POLB: variants seen among roughly 807,000 people sequenced by gnomAD.
POLB encodes the protein 5'-dRP lyase.
In POLB, 37 loss-of-function variants were observed where a neutral mutation model predicts 52.7. The ratio of observed to expected loss-of-function variants is 0.70; its 90% CI spans 0.54 to 0.92. The LOEUF is 0.92. Among genes scored for constraint, POLB ranks in the 40% least tolerant of loss-of-function variants. The pLI is 0.00. For synonymous variants in POLB, 138 were observed against 131.3 expected, an observed-to-expected ratio of 1.05 and a Z score of -0.35; for missense variants, 313 against 400.8, an observed-to-expected ratio of 0.78 and a Z score of 1.87.
chr8:42,354,045 G>T (rs937912532), intron 6 of POLB, among the ~76,000 whole-genome samples: 1 of 152,144 alleles, frequency 6.6e-6, no homozygotes, highest in Non-Finnish European at 1.5e-5. Flanking sequence ...TTATATGAGA[G>T]AATTGATTGG....
intron 2 of POLB, chr8:42,342,324 C>G: frequency 1.3e-6 from 2 of 1,519,430 alleles, no homozygotes; most frequent in Admixed American, 1.7e-5. Flanking sequence ...TGTGGGCCAG[C>G]AGCAGGCCAG....
intron 12 of POLB, chr8:42,369,624 A>C: frequency 1.9e-6 from 1 of 525,442 alleles, no homozygotes; most frequent in Admixed American, 3.6e-5. Flanking sequence ...TGATAATGCA[A>C]TTTCATTTCT....
intron 4 of POLB, among the ~76,000 whole-genome samples, chr8:42,349,607 C>A (rs1822846130): frequency 6.6e-6 from 1 of 152,168 alleles, no homozygotes; most frequent in African/African-American, 2.4e-5. Context: ...CCAGTATGGT[C>A]TCGATCTCCT....
At chr8:42,357,600 T>C (rs1823398772) in intron 9 of POLB, 1 of 451,934 alleles carries the variant, frequency 2.2e-6, no homozygotes, top group Admixed American at 4.1e-5. Flanking sequence ...GATATTTTAA[T>C]GACTAGTTTT....
intron 4 of POLB, chr8:42,349,304 G>T (rs557964393): frequency 4.8e-6 from 2 of 413,466 alleles, no homozygotes; most frequent in Non-Finnish European, 8.6e-6. Context: ...ACCCGTAATA[G>T]AGTTGGCTCA....
At chr8:42,339,152 T>G in intron 2 of POLB, 83 bp downstream of exon 2, 1 of 1,042,974 alleles carries the variant, frequency 9.6e-7, no homozygotes, top group Non-Finnish European at 1.5e-6. Context: ...GAGGGCCCAG[T>G]GGATATTTGG....
At chr8:42,342,363 G>A in intron 2 of POLB, 1 of 1,497,408 alleles carries the variant, frequency 6.7e-7, no homozygotes, top group African/African-American at 1.4e-5. Flanking sequence ...AATTTGTCAG[G>A]CCAACCTTCA....
intron 9 of POLB, among the ~76,000 whole-genome samples, chr8:42,358,811 A>G (rs1206314001): frequency 2.6e-5 from 4 of 152,192 alleles, no homozygotes; most frequent in Non-Finnish European, 4.4e-5. Context: ...TAGATTCCAT[A>G]CTCGCAAAAT....
intron 2 of POLB, among the ~76,000 whole-genome samples, chr8:42,343,419 C>T (rs1227380123): frequency 2.9e-5 from 4 of 136,698 alleles, no homozygotes; most frequent in African/African-American, 1.1e-4. Context: ...CCCAGCTACT[C>T]AGGAGGCTAA....
At chr8:42,339,247 C>A in intron 2 of POLB, 178 bp downstream of exon 2, 2 of 631,936 alleles carry the variant, frequency 3.2e-6, no homozygotes, top group Non-Finnish European at 2.9e-6. Context: ...GTTATAGGAT[C>A]AGTTCAGATA....
At chr8:42,345,410 C>T (rs1449579766) in intron 3 of POLB, among the ~76,000 whole-genome samples, 1 of 152,072 alleles carries the variant, frequency 6.6e-6, no homozygotes, top group Non-Finnish European at 1.5e-5. Context: ...AGTGGGAGTG[C>T]GTGTTCCCCA....
chr8:42,342,991 C>T (rs1358423660), intron 2 of POLB, among the ~76,000 whole-genome samples: 2 of 151,904 alleles, frequency 1.3e-5, no homozygotes, highest in African/African-American at 4.8e-5. Context: ...GAGTTGGAAA[C>T]CAGCCTGGCC....
At chr8:42,362,975 T>C (rs1823798656) in intron 11 of POLB, among the ~76,000 whole-genome samples, 1 of 151,422 alleles carries the variant, frequency 6.6e-6, no homozygotes, top group Non-Finnish European at 1.5e-5. Context: ...AAACACAAAA[T>C]TGGCCGGGCG....
intron 10 of POLB, 55 bp downstream of exon 10, chr8:42,361,420 CT>C: frequency 8.5e-7 from 1 of 1,175,398 alleles, no homozygotes; most frequent in Non-Finnish European, 1.3e-6. Context: ...GTGAATTTCA[CT>C]TTTTAAGTGA....
chr8:42,352,957 C>G (rs556772089), intron 6 of POLB, among the ~76,000 whole-genome samples: 1 of 151,292 alleles, frequency 6.6e-6, no homozygotes, highest in African/African-American at 2.4e-5. Flanking sequence ...ACCTGTAATC[C>G]CAGCTACTCA....
intron 2 of POLB, chr8:42,342,651 C>T (rs1346085783): frequency 1.7e-6 from 1 of 598,326 alleles, no homozygotes; most frequent in Admixed American, 2.7e-5. Context: ...GAACAGAGAC[C>T]TGCAGGCCCA....
At chr8:42,361,458 TG>T in intron 10 of POLB, 93 bp downstream of exon 10, 1 of 904,378 alleles carries the variant, frequency 1.1e-6, no homozygotes, top group Non-Finnish European at 1.8e-6. Flanking sequence ...GAATAAGTTT[TG>T]TTTTCGCCTT....
chr8:42,342,669 T>A, intron 2 of POLB: 1 of 554,980 alleles, frequency 1.8e-6, no homozygotes, highest in East Asian at 3.2e-5. Context: ...CCAGCAGCAC[T>A]AGGGGGTGGA....
intron 10 of POLB, 38 bp from the exon 11 acceptor site, chr8:42,362,574 A>G (rs759641297): frequency 2.5e-6 from 3 of 1,211,042 alleles, no homozygotes; most frequent in Non-Finnish European, 3.7e-6. Flanking sequence ...TTACAAAGTA[A>G]TTACTCTTTT....
Sources: allele counts gnomAD v4.1 joint callset (sites outside exome capture counted in the v4.1 genomes callset), GRCh38; gene constraint gnomAD v4.1.1; transcripts MANE v1.5; gene names NCBI Gene and HGNC (gene_info 2026-07-23, HGNC 2026-07-21).